The following ASIP variants were observed in gnomAD, a reference collection of about 807,000 sequenced individuals.
ASIP encodes agouti signaling protein, also known as agouti-signaling protein.
In ASIP, 11 loss-of-function variants were observed where a neutral mutation model predicts 10.3. That is an observed-to-expected ratio of 1.07 (90% CI 0.68 to 1.78). The LOEUF (loss-of-function observed/expected upper bound fraction) is 1.78, where lower values mean the gene tolerates loss of function less well. Ranked by LOEUF, ASIP falls within the 40% of genes most tolerant of loss-of-function variation. The probability of loss-of-function intolerance (pLI) is 0.00; values close to 1 mark genes in which losing one functional copy is unlikely to be tolerated. For synonymous variants in ASIP, 70 were observed against 70.8 expected, an observed-to-expected ratio of 0.99 and a Z score of 0.06; for missense variants, 180 against 169.2, an observed-to-expected ratio of 1.06 and a Z score of -0.35.
intron 1 of ASIP, among the ~76,000 whole-genome samples, chr20:34,223,732 T>C (rs2035072219): frequency 7.2e-6 from 1 of 139,842 alleles, no homozygotes; most frequent in African/African-American, 2.7e-5. Context: ...CAACAGCTCA[T>C]TGAGAACGGG....
chr20:34,208,826 C>A (rs892700895), intron 1 of ASIP, among the ~76,000 whole-genome samples: 4 of 152,164 alleles, frequency 2.6e-5, no homozygotes, highest in Non-Finnish European at 5.9e-5. Flanking sequence ...TTGTAGAGAT[C>A]TTTCACTTCT....
chr20:34,241,317 T>G (rs2035280540), upstream of ASIP, among the ~76,000 whole-genome samples: 1 of 152,242 alleles, frequency 6.6e-6, no homozygotes, highest in South Asian at 2.1e-4. Flanking sequence ...TCACTGTGGA[T>G]CTGAAAGAAC....
At chr20:34,235,820 A>AGAAAG (rs1491474217) in intron 1 of ASIP, among the ~76,000 whole-genome samples, 2 of 63,852 alleles carry the variant, frequency 3.1e-5, no homozygotes, top group Non-Finnish European at 5.0e-5. Flanking sequence ...AAAGAAAGAA[A>AGAAAG]GAAAGAAAGA....
intron 1 of ASIP, chr20:34,214,626 C>G: frequency 8.6e-7 from 1 of 1,165,312 alleles, no homozygotes. Context: ...CTTGAGCAAG[C>G]CTGTCCAACA....
At chr20:34,251,722 G>A (rs1441775826) in intron 1 of ASIP, among the ~76,000 whole-genome samples, 1 of 152,168 alleles carries the variant, frequency 6.6e-6, no homozygotes, top group Non-Finnish European at 1.5e-5. Context: ...GTAAGGAGGT[G>A]GGGCCTTTTG....
At chr20:34,191,067 A>G (rs970396059), upstream of ASIP, among the ~76,000 whole-genome samples, 1 of 152,220 alleles carries the variant, frequency 6.6e-6, no homozygotes. Context: ...CAACAAATCA[A>G]GCTGGAGGCT....
At chr20:34,242,582 C>T (rs929701146) in intron 1 of ASIP, among the ~76,000 whole-genome samples, 3 of 152,180 alleles carry the variant, frequency 2.0e-5, no homozygotes, top group Non-Finnish European at 4.4e-5. Flanking sequence ...CTGGGACCCA[C>T]TCAAAAAACA....
chr20:34,215,699 T>A (rs2035003555), intron 1 of ASIP: 1 of 1,439,744 alleles, frequency 6.9e-7, no homozygotes, highest in African/African-American at 1.4e-5. Context: ...ATATTTGTAT[T>A]TAACTTGATG....
intron 1 of ASIP, among the ~76,000 whole-genome samples, chr20:34,200,997 C>T (rs1408683017): frequency 0.01 from 619 of 59,118 alleles, 44 homozygotes; most frequent in African/African-American, 0.067. Flanking sequence ...TCCTTCCTTC[C>T]TTCCTTCCTT....
chr20:34,258,299 T>C (rs922562055), intron 1 of ASIP, among the ~76,000 whole-genome samples: 2 of 151,538 alleles, frequency 1.3e-5, no homozygotes, highest in Non-Finnish European at 2.9e-5. Flanking sequence ...GGCCAGATAA[T>C]AAATATTTTA....
At chr20:34,211,798 CT>C (rs1189725996) in intron 1 of ASIP, among the ~76,000 whole-genome samples, 1 of 152,056 alleles carries the variant, frequency 6.6e-6, no homozygotes, top group Non-Finnish European at 1.5e-5. Flanking sequence ...AGTAAACTGA[CT>C]TTTTTCTTGT....
intron 1 of ASIP, among the ~76,000 whole-genome samples, chr20:34,252,396 G>T (rs2035491745): frequency 6.6e-6 from 1 of 152,172 alleles, no homozygotes; most frequent in Non-Finnish European, 1.5e-5. Context: ...TCATGAGTAA[G>T]TTCAAGGAAA....
intron 1 of ASIP, among the ~76,000 whole-genome samples, chr20:34,258,547 T>A (rs2035613329): frequency 6.8e-6 from 1 of 147,282 alleles, no homozygotes; most frequent in Non-Finnish European, 1.5e-5. Context: ...AGGACAAGCA[T>A]CATATGGGGA....
At chr20:34,223,701 AC>A (rs1176494634) in intron 1 of ASIP, among the ~76,000 whole-genome samples, 3 of 138,666 alleles carry the variant, frequency 2.2e-5, no homozygotes, top group African/African-American at 8.3e-5. Context: ...CCCGGCCACC[AC>A]CCCGTCTGGG....
chr20:34,254,408 T>G (rs1196653445), intron 1 of ASIP, among the ~76,000 whole-genome samples: 1 of 152,210 alleles, frequency 6.6e-6, no homozygotes, highest in Non-Finnish European at 1.5e-5. Context: ...GTTTCTCTAA[T>G]GAGTAATAAC....
Position 34,210,624 on chromosome 20 carries a change from G to C in ASIP, c.-11+15864G>C, listed in dbSNP as rs549825521. Among the ~76,000 whole-genome samples, 460 of 152,334 alleles carry C rather than the reference G, an allele frequency of 3.0e-3. 4 individuals carry two copies. Among genetic ancestry groups the C allele is most frequent in the Admixed American group, 4.8e-3 (74 of 15,304 alleles). On this transcript the variant is annotated intron_variant, in intron 1 of 3. Coordinates refer to the ASIP transcript ENST00000568305. ...CTGCCAGGCTGAGTGGGCAGAATAA[G>C]ACCAGCGGGCCTGAGCAAAACTCAG... is the stretch of plus-strand genomic sequence containing the variant.
chr20:34,204,312 G>A (rs1389850492), intron 1 of ASIP, among the ~76,000 whole-genome samples: 9 of 150,618 alleles, frequency 6.0e-5, no homozygotes, highest in Admixed American at 4.0e-4. Context: ...CCTCCGCCTC[G>A]TGGGTTAAAG....
chr20:34,240,299 G>C (rs2035267527), upstream of ASIP, among the ~76,000 whole-genome samples: 1 of 152,172 alleles, frequency 6.6e-6, no homozygotes, highest in Non-Finnish European at 1.5e-5. Flanking sequence ...CTGGGCTTGT[G>C]AAAAATTTAA....
intron 1 of ASIP, among the ~76,000 whole-genome samples, chr20:34,203,152 C>G (rs2034912037): frequency 6.6e-6 from 1 of 151,686 alleles, no homozygotes; most frequent in Admixed American, 6.6e-5. Context: ...TTTATAAATT[C>G]TACCAAAAAA....
Sources: allele counts gnomAD v4.1 joint callset (sites outside exome capture counted in the v4.1 genomes callset), GRCh38; gene constraint gnomAD v4.1.1; transcripts MANE v1.5; gene names NCBI Gene and HGNC (gene_info 2026-07-23, HGNC 2026-07-21).